Variants in SGCZ observed in about 807,000 individuals in gnomAD.
SGCZ encodes the protein zeta-sarcoglycan.
Under a neutral mutation model 41.3 loss-of-function variants are expected in SGCZ, and 40 were observed. The observed-to-expected ratio is 0.97, with a 90% CI of 0.75 to 1.26. The LOEUF is 1.26. Ranked by LOEUF, SGCZ falls within the 50% of genes most tolerant of loss-of-function variation. SGCZ has a pLI of 0.00. For synonymous variants in SGCZ, 206 were observed against 137.5 expected, an observed-to-expected ratio of 1.50 and a Z score of -3.49; for missense variants, 552 against 369.8, an observed-to-expected ratio of 1.49 and a Z score of -4.04.
intron 3 of SGCZ, among the ~76,000 whole-genome samples, chr8:14,263,698 G>C (rs1365224403): frequency 1.3e-5 from 2 of 152,094 alleles, no homozygotes; most frequent in African/African-American, 2.4e-5. Context: ...CAAGTGCCAA[G>C]GTACCCTCAC....
chr8:14,488,185 T>A (rs983533224), intron 2 of SGCZ, among the ~76,000 whole-genome samples: 11 of 136,464 alleles, frequency 8.1e-5, no homozygotes, highest in Non-Finnish European at 1.6e-4. Context: ...ACCTGGTTGT[T>A]CCCTACTGTC....
At chr8:14,369,159 G>A (rs1301848377) in intron 2 of SGCZ, among the ~76,000 whole-genome samples, 1 of 151,704 alleles carries the variant, frequency 6.6e-6, no homozygotes, top group African/African-American at 2.4e-5. Flanking sequence ...AATCTTATTT[G>A]TATTTTATCA....
intron 2 of SGCZ, among the ~76,000 whole-genome samples, chr8:14,533,428 C>T (rs532170932): frequency 5.2e-4 from 79 of 151,982 alleles, no homozygotes; most frequent in South Asian, 8.3e-4. Context: ...GAATTATATT[C>T]ATTATTGATT....
At chr8:14,288,193 T>C (rs1179860924) in intron 3 of SGCZ, among the ~76,000 whole-genome samples, 1 of 152,110 alleles carries the variant, frequency 6.6e-6, no homozygotes, top group Non-Finnish European at 1.5e-5. Context: ...TCTTACTTTT[T>C]CAGTGTATTA....
At chr8:14,303,722 C>CTA (rs1801264781) in intron 3 of SGCZ, among the ~76,000 whole-genome samples, 1 of 151,892 alleles carries the variant, frequency 6.6e-6, no homozygotes, top group African/African-American at 2.4e-5. Flanking sequence ...AAATCTCTCT[C>CTA]TATATATATA....
chr8:15,071,736 T>C (rs1377457749), intron 1 of SGCZ, among the ~76,000 whole-genome samples: 2 of 152,270 alleles, frequency 1.3e-5, no homozygotes, highest in East Asian at 3.9e-4. Context: ...TGTAACCTTC[T>C]GGGAGTAGCA....
chr8:15,225,973 C>T (rs1801758371), intron 1 of SGCZ, among the ~76,000 whole-genome samples: 1 of 152,128 alleles, frequency 6.6e-6, no homozygotes, highest in South Asian at 2.1e-4. Flanking sequence ...CTTACTAGTC[C>T]ACATTGTAAC....
intron 3 of SGCZ, among the ~76,000 whole-genome samples, chr8:14,252,931 T>A (rs533795293): frequency 3.3e-4 from 50 of 152,196 alleles, no homozygotes; most frequent in Non-Finnish European, 6.6e-4. Context: ...AGAAAATACA[T>A]CTTTTTGTAA....
At chr8:15,197,629 TAGGTCACCAAAATCACA>T (rs2117125961) in intron 1 of SGCZ, among the ~76,000 whole-genome samples, 1 of 152,182 alleles carries the variant, frequency 6.6e-6, no homozygotes, top group South Asian at 2.1e-4. Context: ...AAAGAAATGA[TAGGTCACCAAAATCACA>T]ACAGAGCTGT....
At chr8:14,690,045 A>G (rs1510453) in intron 1 of SGCZ, among the ~76,000 whole-genome samples, 151,783 of 152,216 alleles carry the variant, frequency 1, 75,677 homozygotes, top group Middle Eastern at 1. Flanking sequence ...ATTTTAGAAT[A>G]CAAAAGCAGT....
intron 2 of SGCZ, among the ~76,000 whole-genome samples, chr8:14,470,019 C>A (rs1186454829): frequency 6.6e-6 from 1 of 152,104 alleles, no homozygotes; most frequent in Non-Finnish European, 1.5e-5. Flanking sequence ...CAGCTTGAAG[C>A]TGGGTTGGTC....
At chr8:14,380,027 C>T (rs112835844) in intron 2 of SGCZ, among the ~76,000 whole-genome samples, 2,937 of 152,166 alleles carry the variant, frequency 0.019, 79 homozygotes, top group African/African-American at 0.055. Context: ...CCATGGCACC[C>T]GGCCAAGAAT....
chr8:14,407,779 T>C (rs1466230938), intron 2 of SGCZ, among the ~76,000 whole-genome samples: 1 of 152,140 alleles, frequency 6.6e-6, no homozygotes, highest in African/African-American at 2.4e-5. Context: ...TATGCATGTA[T>C]TTCCCTAGGT....
chr8:14,515,953 C>G (rs2117087819), intron 2 of SGCZ, among the ~76,000 whole-genome samples: 1 of 152,050 alleles, frequency 6.6e-6, no homozygotes, highest in Middle Eastern at 3.4e-3. Context: ...TAAGCAATAC[C>G]TTGTTGGAAA....
At chr8:14,599,650 C>T (rs551666488) in intron 1 of SGCZ, among the ~76,000 whole-genome samples, 1 of 152,290 alleles carries the variant, frequency 6.6e-6, no homozygotes, top group South Asian at 2.1e-4. Flanking sequence ...TCTGAAGACG[C>T]ATATTCATCT....
In SGCZ at chr8:14,304,089, A is replaced by G. The variant is rs527591446; in HGVS notation, c.336+20014T>C. Among the ~76,000 whole-genome samples, 60 of 152,224 alleles carry G rather than the reference A, an allele frequency of 3.9e-4. 1 individual carries two copies. Among genetic ancestry groups the G allele is most frequent in the African/African-American group, 1.4e-3 (58 of 41,564 alleles). ...TTTAATAATGGCTTTACATTTGTGA[A>G]AAAAGGAATGATGAAATCATAAGGC... On this transcript the variant is annotated intron_variant, in intron 3 of 7. Transcript: ENST00000382080.
At chr8:14,995,787 C>T (rs1015563922) in intron 1 of SGCZ, among the ~76,000 whole-genome samples, 66 of 152,206 alleles carry the variant, frequency 4.3e-4, no homozygotes, top group African/African-American at 1.5e-3. Context: ...ATGTAGGGCT[C>T]TAAAATATCT....
intron 4 of SGCZ, among the ~76,000 whole-genome samples, chr8:14,170,069 TTTAC>T (rs1804330684): frequency 2.0e-5 from 3 of 148,930 alleles, no homozygotes; most frequent in Non-Finnish European, 4.5e-5. Flanking sequence ...TTTTTTTTTT[TTTAC>T]TTTTCCTTTA....
chr8:14,848,231 T>C (rs988963249), intron 1 of SGCZ, among the ~76,000 whole-genome samples: 1 of 152,148 alleles, frequency 6.6e-6, no homozygotes, highest in African/African-American at 2.4e-5. Flanking sequence ...AAGGAAGCCA[T>C]AGCTGGTGTT....
Sources: gnomAD v4.1 joint callset for allele counts (sites outside exome capture counted in the v4.1 genomes callset) on GRCh38, gnomAD v4.1.1 for gene constraint, MANE v1.5 for transcripts, NCBI Gene and HGNC (gene_info 2026-07-23, HGNC 2026-07-21) for gene names.